Variants in TTC39C observed in about 807,000 individuals in gnomAD.
TTC39C encodes tetratricopeptide repeat domain 39C, also known as tetratricopeptide repeat protein 39C.
Under a neutral mutation model 76.3 loss-of-function variants are expected in TTC39C, and 33 were observed. The observed-to-expected ratio is 0.43, with a 90% CI of 0.33 to 0.58. The LOEUF is 0.58. Ranked by LOEUF, TTC39C falls within the 20% of genes least tolerant of loss-of-function variation. TTC39C has a pLI of 0.04. For synonymous variants in TTC39C, 254 were observed against 260.6 expected (o/e 0.97, Z 0.24); for missense variants, 595 against 701.4 (o/e 0.85, Z 1.71).
At chr18:24,078,897 G>A (rs1431837867) in intron 4 of TTC39C, among the ~76,000 whole-genome samples, 1 of 152,160 alleles carries the variant, frequency 6.6e-6, no homozygotes, top group East Asian at 1.9e-4. Flanking sequence ...CCAGCCAAGG[G>A]CCAACCTTTT....
At chr18:24,028,762 G>T (rs559960221) in intron 1 of TTC39C, among the ~76,000 whole-genome samples, 11 of 151,968 alleles carry the variant, frequency 7.2e-5, no homozygotes, top group Non-Finnish European at 1.6e-4. Flanking sequence ...TTGCTCTGTC[G>T]CCCAGGCTGG....
chr18:24,113,605 G>T, intron 6 of TTC39C: 1 of 702,352 alleles, frequency 1.4e-6, no homozygotes, highest in South Asian at 1.5e-5. Context: ...AGAAAGAAAT[G>T]CATGCACCGT....
At chr18:24,027,166 C>T (rs1419231922) in intron 1 of TTC39C, among the ~76,000 whole-genome samples, 1 of 152,032 alleles carries the variant, frequency 6.6e-6, no homozygotes, top group Non-Finnish European at 1.5e-5. Flanking sequence ...GTGGTGGGTG[C>T]CTGTAGTCCC....
intron 1 of TTC39C, among the ~76,000 whole-genome samples, chr18:24,047,838 G>A (rs2145705379): frequency 6.6e-6 from 1 of 152,282 alleles, no homozygotes; most frequent in African/African-American, 2.4e-5. Context: ...GTTCCGTAGA[G>A]GAGATAACAA....
At chr18:24,132,055 A>G (rs1471283824) in intron 13 of TTC39C, 135 bp downstream of exon 13, 3 of 760,304 alleles carry the variant, frequency 3.9e-6, no homozygotes, top group East Asian at 2.8e-5. Flanking sequence ...ATGACAACCA[A>G]TTGAATCAGT....
chr18:24,080,525 T>C, intron 4 of TTC39C, 60 bp from the exon 5 acceptor site: 1 of 1,330,644 alleles, frequency 7.5e-7, no homozygotes, highest in Non-Finnish European at 1.0e-6. Context: ...TATCCTTTAC[T>C]ATAGAAATAG....
At position 24,134,586 on chromosome 18, in the gene TTC39C, T is replaced by G. The variant is rs946091278; in HGVS notation, c.*2012T>G. On this transcript the variant is annotated 3_prime_UTR_variant, in exon 14 of 14. Coordinates refer to ENST00000317571, the MANE Select transcript of TTC39C (RefSeq NM_001135993.2). ...CACCGTGCCCGGCCTGGACATCTGGTTTTAACTAGATGGAAGGGAAGAACA... is the reference window on the plus strand; with the variant it reads ...CACCGTGCCCGGCCTGGACATCTGGGTTTAACTAGATGGAAGGGAAGAACA... 1.4e-4 allele frequency: 21 copies of G among 152,042 alleles called. No individual in the cohort carries two copies. Among genetic ancestry groups the G allele is most frequent in the African/African-American group, 4.8e-4 (20 of 41,396 alleles). The allele number at this position is 152,042 out of a possible 1,614,324, so 9.4% of individuals were successfully genotyped here. A position where few individuals can be genotyped will look rare whatever the true frequency, so the allele number is the denominator to read the frequency against.
chr18:24,043,716 C>T (rs1195328782), intron 1 of TTC39C, among the ~76,000 whole-genome samples: 2 of 152,206 alleles, frequency 1.3e-5, no homozygotes, highest in Non-Finnish European at 2.9e-5. Flanking sequence ...ACTGAAGTCT[C>T]TTACTGCACC....
chr18:24,108,826 C>A (rs1292637202), intron 6 of TTC39C, among the ~76,000 whole-genome samples: 3 of 152,128 alleles, frequency 2.0e-5, no homozygotes, highest in Non-Finnish European at 4.4e-5. Flanking sequence ...ATGATAGAAT[C>A]TTAAACAGAT....
At chr18:24,048,479 G>T (rs2083911551) in intron 1 of TTC39C, among the ~76,000 whole-genome samples, 1 of 152,228 alleles carries the variant, frequency 6.6e-6, no homozygotes, top group Non-Finnish European at 1.5e-5. Flanking sequence ...ATAGCCTGAA[G>T]GCAGGGGCCA....
intron 1 of TTC39C, among the ~76,000 whole-genome samples, chr18:24,044,248 T>C (rs2083835771): frequency 2.0e-5 from 3 of 152,100 alleles, no homozygotes; most frequent in Admixed American, 2.0e-4. Flanking sequence ...GAGGGGTGGA[T>C]GTGCAGAGGC....
intron 1 of TTC39C, among the ~76,000 whole-genome samples, chr18:24,058,583 A>AG (rs2084047821): frequency 6.6e-6 from 1 of 152,094 alleles, no homozygotes; most frequent in African/African-American, 2.4e-5. Context: ...TGAACCCAGG[A>AG]GGCGGAGGCT....
At chr18:24,005,675 G>A (rs574497288) in intron 1 of TTC39C, among the ~76,000 whole-genome samples, 2 of 148,848 alleles carry the variant, frequency 1.3e-5, no homozygotes, top group Non-Finnish European at 3.0e-5. Flanking sequence ...GCGAGACCCT[G>A]TCTCTAAAAA....
intron 10 of TTC39C, chr18:24,125,791 T>C: frequency 2.2e-6 from 1 of 445,920 alleles, no homozygotes; most frequent in Non-Finnish European, 4.0e-6. Flanking sequence ...GCTTTTGTTA[T>C]AAATGTTATT....
At chr18:24,101,473 C>T (rs1252658744) in intron 6 of TTC39C, among the ~76,000 whole-genome samples, 4 of 151,838 alleles carry the variant, frequency 2.6e-5, no homozygotes, top group Admixed American at 2.6e-4. Context: ...GCAGGAGAAT[C>T]GCTTGAACCC....
chr18:24,099,928 ATTATT>A (rs2084656113), intron 6 of TTC39C, among the ~76,000 whole-genome samples: 1 of 152,282 alleles, frequency 6.6e-6, no homozygotes, highest in African/African-American at 2.4e-5. Flanking sequence ...AAAATGTGAT[ATTATT>A]TTATTAGACT....
chr18:24,092,219 G>C (rs2084531701), intron 6 of TTC39C, among the ~76,000 whole-genome samples: 1 of 150,680 alleles, frequency 6.6e-6, no homozygotes, highest in Non-Finnish European at 1.5e-5. Flanking sequence ...AACCAAGTAA[G>C]CTACTGTTTC....
At chr18:24,056,124 C>A (rs926125167) in intron 1 of TTC39C, among the ~76,000 whole-genome samples, 1 of 152,082 alleles carries the variant, frequency 6.6e-6, no homozygotes, top group African/African-American at 2.4e-5. Context: ...CTCCAGTGGC[C>A]CCCTGGGTCT....
chr18:23,997,048 A>G (rs4800527), intron 1 of TTC39C, among the ~76,000 whole-genome samples: 113,050 of 152,052 alleles, frequency 0.74, 42,557 homozygotes, highest in Middle Eastern at 0.78. Flanking sequence ...GGCAGAGGTT[A>G]CAGTGAGCCG....
Sources: allele counts gnomAD v4.1 joint callset (sites outside exome capture counted in the v4.1 genomes callset), GRCh38; gene constraint gnomAD v4.1.1; transcripts MANE v1.5; gene names NCBI Gene and HGNC (gene_info 2026-07-23, HGNC 2026-07-21).